Variants in FRYL observed in about 807,000 individuals in gnomAD.
The protein encoded by FRYL is FRY like transcription coactivator, also known as protein furry homolog-like.
A neutral mutation model predicts 351.2 loss-of-function variants in FRYL; 150 were observed. The ratio of observed to expected loss-of-function variants is 0.43; its 90% CI spans 0.37 to 0.49. The LOEUF is 0.49. Among genes scored for constraint, FRYL ranks in the 20% least tolerant of loss-of-function variants. The pLI, the probability that FRYL is intolerant of heterozygous loss-of-function variation, is 0.00. For missense variants in FRYL, 3,036 were observed against 3,619.3 expected, an observed-to-expected ratio of 0.84 and a Z score of 4.13; for synonymous variants, 1,153 against 1,257.1, an observed-to-expected ratio of 0.92 and a Z score of 1.75.
At chr4:48,730,541 G>A (rs1042625631) in intron 1 of FRYL, among the ~76,000 whole-genome samples, 2 of 152,130 alleles carry the variant, frequency 1.3e-5, no homozygotes, top group Non-Finnish European at 1.5e-5. Context: ...ATCTCTCTGC[G>A]GAAACCCTAC....
chr4:48,655,533 T>A (rs1040210904), intron 3 of FRYL, among the ~76,000 whole-genome samples: 1 of 151,666 alleles, frequency 6.6e-6, no homozygotes, highest in African/African-American at 2.4e-5. Context: ...CTAGTTAAAT[T>A]TTTCTGATTA....
At chr4:48,545,348 C>T (rs1223082751) in intron 42 of FRYL, among the ~76,000 whole-genome samples, 1 of 152,162 alleles carries the variant, frequency 6.6e-6, no homozygotes. Flanking sequence ...GTGTTCTTGG[C>T]CACCACCTCA....
intron 53 of FRYL, among the ~76,000 whole-genome samples, chr4:48,525,153 A>G (rs1403228016): frequency 6.9e-6 from 1 of 145,496 alleles, no homozygotes; most frequent in African/African-American, 2.6e-5. Flanking sequence ...TGCAACTTTT[A>G]TTTTTAAAGG....
chr4:48,753,747 G>C (rs889067542), intron 1 of FRYL, among the ~76,000 whole-genome samples: 1 of 109,530 alleles, frequency 9.1e-6, no homozygotes, highest in Non-Finnish European at 1.9e-5. Context: ...TATTTTTTAA[G>C]AACTTTATAA....
chr4:48,593,804 T>C (rs1744042851), intron 16 of FRYL, 126 bp downstream of exon 16: 2 of 477,984 alleles, frequency 4.2e-6, no homozygotes, highest in African/African-American at 4.1e-5. Context: ...GTTAAGTAAC[T>C]TGTCCTGGAT....
intron 53 of FRYL, among the ~76,000 whole-genome samples, chr4:48,526,822 A>C (rs1046803484): frequency 6.6e-6 from 1 of 152,178 alleles, no homozygotes; most frequent in African/African-American, 2.4e-5. Flanking sequence ...ATCCAGACTA[A>C]ATCAATTTAG....
chr4:48,703,324 T>C (rs571240753), intron 2 of FRYL, among the ~76,000 whole-genome samples: 1 of 152,328 alleles, frequency 6.6e-6, no homozygotes, highest in East Asian at 1.9e-4. Context: ...ATTTTATAAC[T>C]GAACAAATAG....
At chr4:48,752,258 A>G (rs1217183146) in intron 1 of FRYL, among the ~76,000 whole-genome samples, 4 of 152,186 alleles carry the variant, frequency 2.6e-5, no homozygotes, top group Non-Finnish European at 5.9e-5. Flanking sequence ...TTTTCAAAAG[A>G]CTTGCACATT....
intron 13 of FRYL, among the ~76,000 whole-genome samples, chr4:48,598,201 A>G (rs1383720260): frequency 6.6e-6 from 1 of 152,192 alleles, no homozygotes; most frequent in Non-Finnish European, 1.5e-5. Flanking sequence ...CCTCTCTCTG[A>G]AAAAATTAAA....
At chr4:48,622,878 G>C (rs1750956310) in intron 5 of FRYL, among the ~76,000 whole-genome samples, 1 of 151,984 alleles carries the variant, frequency 6.6e-6, no homozygotes, top group African/African-American at 2.4e-5. Flanking sequence ...GGATGTAACT[G>C]AAAATGAAAA....
chr4:48,760,615 T>C (rs1328047442), intron 1 of FRYL, among the ~76,000 whole-genome samples: 1 of 152,180 alleles, frequency 6.6e-6, no homozygotes, highest in Non-Finnish European at 1.5e-5. Context: ...CTTGTCTTGT[T>C]CTTGACCTTA....
Position 48,666,916 on chromosome 4 carries a change from G to A in FRYL, c.-81+17757C>T, listed in dbSNP as rs191627808. 2.9e-4 allele frequency among the ~76,000 whole-genome samples: 44 copies of A among 152,150 alleles called. No individual in the cohort carries two copies. In the East Asian group the frequency reaches 6.0e-3, roughly 21 times the overall value. Reference sequence around the variant, plus strand: ...TAAGTAAAAGAACTAAGTATAAGAAGAATTTAGGTAAGATTACTATGATTT... The same window carrying A: ...TAAGTAAAAGAACTAAGTATAAGAAAAATTTAGGTAAGATTACTATGATTT... On this transcript the variant is annotated intron_variant, in intron 3 of 63. Transcript: ENST00000358350.
intron 1 of FRYL, among the ~76,000 whole-genome samples, chr4:48,728,644 C>T (rs1395901180): frequency 1.3e-5 from 2 of 152,108 alleles, no homozygotes; most frequent in African/African-American, 4.8e-5. Flanking sequence ...AGACAAAATC[C>T]TGAAAGAAGC....
intron 13 of FRYL, among the ~76,000 whole-genome samples, chr4:48,597,610 GT>G (rs2149236072): frequency 6.6e-6 from 1 of 152,156 alleles, no homozygotes; most frequent in Admixed American, 6.6e-5. Flanking sequence ...AGTCCCATTA[GT>G]TTTTAGGTAC....
intron 53 of FRYL, among the ~76,000 whole-genome samples, chr4:48,523,974 T>C (rs764215047): frequency 3.9e-5 from 6 of 152,192 alleles, no homozygotes; most frequent in African/African-American, 1.4e-4. Flanking sequence ...AGAGGAAATA[T>C]GACAAATTTC....
intron 1 of FRYL, among the ~76,000 whole-genome samples, chr4:48,770,668 C>T (rs1437851311): frequency 6.6e-6 from 1 of 152,090 alleles, no homozygotes; most frequent in Non-Finnish European, 1.5e-5. Context: ...AACTCGCAAC[C>T]TCAGGTGATC....
At chr4:48,565,462 T>G in intron 29 of FRYL, 69 bp downstream of exon 29, 1 of 1,203,134 alleles carries the variant, frequency 8.3e-7, no homozygotes, top group Non-Finnish European at 1.1e-6. Flanking sequence ...TTAATACTAG[T>G]GACTGAGAGA....
intron 18 of FRYL, among the ~76,000 whole-genome samples, 199 bp downstream of exon 18, chr4:48,589,546 G>A (rs1188654732): frequency 6.6e-6 from 1 of 152,072 alleles, no homozygotes; most frequent in Non-Finnish European, 1.5e-5. Context: ...TCTAGAGTGA[G>A]TTTTGCTATC....
At chr4:48,512,879 A>AT (rs751976308) in intron 56 of FRYL, among the ~76,000 whole-genome samples, 191 bp from the exon 57 acceptor site, 24 of 152,316 alleles carry the variant, frequency 1.6e-4, no homozygotes, top group Non-Finnish European at 2.8e-4. Context: ...TCTAGTTAGC[A>AT]TTTTTAGAAT....
Sources: gnomAD v4.1 joint callset for allele counts (sites outside exome capture counted in the v4.1 genomes callset) on GRCh38, gnomAD v4.1.1 for gene constraint, MANE v1.5 for transcripts, NCBI Gene and HGNC (gene_info 2026-07-23, HGNC 2026-07-21) for gene names.